The following ALG11 variants were observed in gnomAD, a reference collection of about 807,000 sequenced individuals.
The protein encoded by ALG11 is ALG11 alpha-1,2-mannosyltransferase.
A neutral mutation model predicts 38.8 loss-of-function variants in ALG11; 26 were observed. That is an observed-to-expected ratio of 0.67 (90% confidence interval 0.49 to 0.93). The LOEUF is 0.93. Among genes scored for constraint, ALG11 ranks in the 40% least tolerant of loss-of-function variants. ALG11 has a pLI of 0.00. For synonymous variants in ALG11, 199 were observed against 211.6 expected, an observed-to-expected ratio of 0.94 and a Z score of 0.52; for missense variants, 535 against 578.8, an observed-to-expected ratio of 0.92 and a Z score of 0.78.
intron 3 of ALG11, among the ~76,000 whole-genome samples, chr13:52,028,115 GTAT>G (rs1294325833): frequency 1.3e-5 from 2 of 151,912 alleles, no homozygotes; most frequent in Non-Finnish European, 1.5e-5. Context: ...AAGTGAAGCA[GTAT>G]TATTATGAAG....
At chr13:52,019,261 A>G (rs866224153) in intron 2 of ALG11, 118 bp downstream of exon 2, 114 of 918,694 alleles carry the variant, frequency 1.2e-4, no homozygotes, top group Middle Eastern at 3.5e-4. Context: ...TTACTCTGTC[A>G]CCCAGGCTGG....
In ALG11 at chr13:52,033,035, A is replaced by ATAT. The variant is rs1954320459; in HGVS notation, c.*4447_*4449dup. 6.0e-6 allele frequency: 1 copy of ATAT among 167,108 alleles called. No individual in the cohort carries two copies. Among genetic ancestry groups the ATAT allele is most frequent in the Admixed American group, 6.5e-5 (1 of 15,284 alleles). The allele number at this position is 167,108 out of a possible 1,614,324, so 10.4% of individuals were successfully genotyped here. A position where few individuals can be genotyped will look rare whatever the true frequency, so the allele number is the denominator to read the frequency against. On this transcript the variant is annotated 3_prime_UTR_variant, in exon 4 of 4. Transcript: ENST00000521508. ...AAAGTTTTCTGGAATTCCGTAAATTATATTTTAAGCTTATTTCTTCAAAAT... is the reference window on the plus strand; with the variant it reads ...AAAGTTTTCTGGAATTCCGTAAATTATATTATTTTAAGCTTATTTCTTCAAAAT...
chr13:52,014,826 A>G (rs1388985946), intron 1 of ALG11, among the ~76,000 whole-genome samples: 1 of 152,258 alleles, frequency 6.6e-6, no homozygotes, highest in Non-Finnish European at 1.5e-5. Flanking sequence ...AGTAGTGTCA[A>G]GGATGAGAAA....
At chr13:52,021,444 AGTCCCC>A in intron 2 of ALG11, 1 of 152,362 alleles carries the variant, frequency 6.6e-6, no homozygotes. Flanking sequence ...AACCACTGCA[AGTCCCC>A]TAAGGCTGGT....
rs1566715719 is a variant in ALG11, at chr13:52,031,395, T to C, written c.*2805T>C. 1 of 380,404 alleles carries C rather than the reference T, an allele frequency of 2.6e-6. No homozygotes were observed. The highest frequency in any genetic ancestry group is 4.9e-6 in the Non-Finnish European group (1 of 204,142). 23.6% of individuals were successfully genotyped at this position (380,404 alleles called of 1,614,324 possible). ...AAAAAAGAAATTTTAAACAGACTTG[T>C]TTAATCGTGTTCTCAAAGCATACAG... is the stretch of plus-strand genomic sequence containing the variant. On this transcript the variant is annotated 3_prime_UTR_variant, in exon 4 of 4. Coordinates refer to ENST00000521508, the MANE Select transcript of ALG11 (RefSeq NM_001004127.3).
chr13:52,013,154 T>C lies in ALG11; in HGVS notation c.44+692T>C, dbSNP rs186305212. On this transcript the variant is annotated intron_variant, in intron 1 of 3. Transcript: ENST00000521508. ...ACTCCCAGGCTTTTTTCCACCTTTG[T>C]TGTTGTAGTACTACTGTATTTTAAA... is the stretch of plus-strand genomic sequence containing the variant. 1.5e-3 allele frequency among the ~76,000 whole-genome samples: 222 copies of C among 152,354 alleles called. 1 individual carries two copies. Among genetic ancestry groups the C allele is most frequent in the African/African-American group, 5.1e-3 (214 of 41,586 alleles).
intron 2 of ALG11, chr13:52,022,050 C>G (rs1235797869): frequency 2.0e-5 from 3 of 152,166 alleles, no homozygotes; most frequent in African/African-American, 4.8e-5. Flanking sequence ...GATGCCACCT[C>G]TCAGTGAGAA....
At chr13:52,013,958 C>T (rs925220381) in intron 1 of ALG11, among the ~76,000 whole-genome samples, 7 of 152,140 alleles carry the variant, frequency 4.6e-5, no homozygotes, top group Non-Finnish European at 2.9e-5. Context: ...TTTTAATTAA[C>T]AGTGTGAAAA....
In ALG11 at chr13:52,024,472, G is replaced by A; in HGVS notation, c.742G>A (p.Gly248Ser). The A allele has an allele frequency of 6.2e-7, 1 of 1,614,062 alleles. No individual in the cohort carries two copies. The highest frequency in any genetic ancestry group is 8.5e-7 in the Non-Finnish European group (1 of 1,179,992). ...YLFAFIYGLV[G>S]SCSDVVMVNS... The stretch of plus-strand genomic sequence containing the variant: ...ATTTGCTTTTATTTATGGACTTGTT[G>A]GTTCTTGCAGTGATGTAGTCATGGT... Residue 248 changes from glycine (G) to serine (S), a missense_variant, in exon 3 of 4, where the codon GGT becomes AGT. Coordinates refer to ENST00000521508, the MANE Select transcript of ALG11 (RefSeq NM_001004127.3).
intron 2 of ALG11, chr13:52,021,125 G>A (rs1354660640): frequency 6.6e-6 from 1 of 152,126 alleles, no homozygotes; most frequent in African/African-American, 2.4e-5. Context: ...GTTAAAATAG[G>A]GTAATATAGG....
rs201007266 is a variant in ALG11, at chr13:52,012,406, G to A, written c.-13G>A. The A allele has an allele frequency of 5.1e-5, 82 of 1,613,914 alleles. No homozygotes were observed. The highest frequency in any genetic ancestry group is 6.7e-5 in the Admixed American group (4 of 60,008). Reference sequence around the variant, plus strand: ...AAAGTGAAGCGTTTCCTGAGTTCGGGGGTCGGCGGAAGATGGCGGCCGGCG... The same window carrying A: ...AAAGTGAAGCGTTTCCTGAGTTCGGAGGTCGGCGGAAGATGGCGGCCGGCG... On this transcript the variant is annotated 5_prime_UTR_variant, in exon 1 of 4. Transcript: ENST00000521508.
rs1326209343 is a variant in ALG11, at chr13:52,031,712, G to A, written c.*3122G>A. 6.0e-6 allele frequency: 1 copy of A among 167,260 alleles called. No homozygotes were observed. Among genetic ancestry groups the A allele is most frequent in the East Asian group, 1.9e-4 (1 of 5,200 alleles). 10.4% of individuals were successfully genotyped at this position (167,260 alleles called of 1,614,324 possible). ...GCATAATGCATTGTAAGATGGCAAG[G>A]TGGCATTTTGAAAGAGCGCTGGGCA... is the stretch of plus-strand genomic sequence containing the variant. On this transcript the variant is annotated 3_prime_UTR_variant, in exon 4 of 4. Coordinates refer to ENST00000521508, the MANE Select transcript of ALG11 (RefSeq NM_001004127.3).
At position 52,029,094 on chromosome 13, in the gene ALG11, CT is replaced by C; in HGVS notation, c.*506del. ...CTGCTTGAGCCCGTTAAAACTTCAT[CT>C]TCTTTGGCCACTGTAAAAAAGCAAC... On this transcript the variant is annotated 3_prime_UTR_variant, in exon 4 of 4. Coordinates refer to ENST00000521508, the MANE Select transcript of ALG11 (RefSeq NM_001004127.3). 6.2e-7 allele frequency: 1 copy of C among 1,614,230 alleles called. No individual in the cohort carries two copies.
At chr13:52,025,075 C>G in intron 3 of ALG11, 138 bp downstream of exon 3, 1 of 941,486 alleles carries the variant, frequency 1.1e-6, no homozygotes, top group Non-Finnish European at 1.7e-6. Flanking sequence ...GCTTTCCTCA[C>G]TTGAGACCTT....
chr13:52,027,319 C>T (rs1452361699), intron 3 of ALG11, among the ~76,000 whole-genome samples: 1 of 152,018 alleles, frequency 6.6e-6, no homozygotes, highest in African/African-American at 2.4e-5. Flanking sequence ...ATGTGGTGCC[C>T]TAGCTTCCTA....
intron 1 of ALG11, among the ~76,000 whole-genome samples, chr13:52,013,038 C>T (rs1217890419): frequency 1.3e-5 from 2 of 152,078 alleles, no homozygotes; most frequent in African/African-American, 4.8e-5. Context: ...GCTGTTTCTT[C>T]TAGAAAAATT....
chr13:52,029,310 C>A lies in ALG11; in HGVS notation c.*720C>A. 1.2e-6 allele frequency: 2 copies of A among 1,614,110 alleles called. No individual in the cohort carries two copies. The highest frequency in any genetic ancestry group is 1.7e-6 in the Non-Finnish European group (2 of 1,180,006). ...GGGAAGGAGCAGCCAGCCATTGCTC[C>A]CATTGAACATGCGCTCAGTGGCTGG... On this transcript the variant is annotated 3_prime_UTR_variant, in exon 4 of 4. Transcript: ENST00000521508.
rs930382471 is a variant in ALG11 at position 52,029,504 on chromosome 13, T to G, written c.*914T>G. 1 of 1,614,144 alleles carries G rather than the reference T, an allele frequency of 6.2e-7. No individual in the cohort carries two copies. Among genetic ancestry groups the G allele is most frequent in the Non-Finnish European group, 8.5e-7 (1 of 1,180,026 alleles). On this transcript the variant is annotated 3_prime_UTR_variant, in exon 4 of 4. Transcript: ENST00000521508. Reference sequence around the variant, plus strand: ...GCTTCAGAGGGCTCGGGCTCTGCAGTCCTACTATGAGGCCAAGGCTCGAAA... The same window carrying G: ...GCTTCAGAGGGCTCGGGCTCTGCAGGCCTACTATGAGGCCAAGGCTCGAAA...
Position 52,029,942 on chromosome 13 carries a change from A to G in ALG11, c.*1352A>G. 6.2e-7 allele frequency: 1 copy of G among 1,614,236 alleles called. No individual in the cohort carries two copies. The highest frequency in any genetic ancestry group is 8.5e-7 in the Non-Finnish European group (1 of 1,180,038). ...TCCCTGGATGTTCAGGAGCTGCACC[A>G]GTGACACCAAAGAGGCTGCAACACA... On this transcript the variant is annotated 3_prime_UTR_variant, in exon 4 of 4. Transcript: ENST00000521508.
Sources: gnomAD v4.1 joint callset for allele counts (sites outside exome capture counted in the v4.1 genomes callset) on GRCh38, gnomAD v4.1.1 for gene constraint, MANE v1.5 for transcripts, NCBI Gene and HGNC (gene_info 2026-07-23, HGNC 2026-07-21) for gene names.